NPFFR2: variants seen among roughly 807,000 people sequenced by gnomAD.
The protein encoded by NPFFR2 is G-protein coupled receptor 74.
Under a neutral mutation model 13.1 loss-of-function variants are expected in NPFFR2, and 15 were observed. That is an observed-to-expected ratio of 1.15 (90% CI 0.77 to 1.76). The LOEUF is 1.76. NPFFR2 is among the 40% of genes most tolerant of loss of function. The pLI is 0.00. For missense variants in NPFFR2, 572 were observed against 503.5 expected (o/e 1.14, Z -1.30); for synonymous variants, 190 against 175.7 (o/e 1.08, Z -0.65).
At chr4:72,129,998 C>G (rs1196832937) in intron 2 of NPFFR2, among the ~76,000 whole-genome samples, 1 of 138,378 alleles carries the variant, frequency 7.2e-6, no homozygotes, top group Non-Finnish European at 1.5e-5. Context: ...CATCCTGCAC[C>G]GCCCTTAATC....
intron 1 of NPFFR2, among the ~76,000 whole-genome samples, chr4:72,074,935 A>G (rs1228651779): frequency 2.7e-5 from 4 of 149,776 alleles, no homozygotes; most frequent in African/African-American, 9.8e-5. Context: ...AGGACATTAC[A>G]TATTAATAAA....
intron 3 of NPFFR2, among the ~76,000 whole-genome samples, chr4:72,140,047 G>T (rs1722553814): frequency 6.6e-6 from 1 of 152,066 alleles, no homozygotes; most frequent in African/African-American, 2.4e-5. Flanking sequence ...CTCATGATTT[G>T]GCTCTCTGTT....
At chr4:72,145,535 C>T (rs185034136) in intron 3 of NPFFR2, among the ~76,000 whole-genome samples, 103 of 152,052 alleles carry the variant, frequency 6.8e-4, no homozygotes, top group African/African-American at 2.1e-3. Context: ...AAAATACATA[C>T]GTTTGTGTCT....
chr4:72,071,436 G>A (rs1164739657), intron 1 of NPFFR2, among the ~76,000 whole-genome samples: 1 of 152,152 alleles, frequency 6.6e-6, no homozygotes, highest in Non-Finnish European at 1.5e-5. Flanking sequence ...TTGGAAGATG[G>A]TGCAGCATAA....
chr4:72,066,830 A>G (rs1327109861), intron 1 of NPFFR2, among the ~76,000 whole-genome samples: 1 of 152,118 alleles, frequency 6.6e-6, no homozygotes. Context: ...GGCTTTACTG[A>G]GTGTACCCCA....
chr4:72,042,302 G>A (rs142776986), intron 1 of NPFFR2, among the ~76,000 whole-genome samples: 149 of 152,324 alleles, frequency 9.8e-4, no homozygotes, highest in African/African-American at 3.4e-3. Flanking sequence ...CTGCAGAACT[G>A]TGAGTCAATT....
intron 1 of NPFFR2, among the ~76,000 whole-genome samples, chr4:72,059,305 A>G (rs1719853374): frequency 6.6e-6 from 1 of 152,062 alleles, no homozygotes; most frequent in African/African-American, 2.4e-5. Flanking sequence ...GCGCTGAGAG[A>G]AAATGTATAC....
intron 1 of NPFFR2, among the ~76,000 whole-genome samples, chr4:72,078,848 A>G (rs957586413): frequency 6.6e-6 from 1 of 152,122 alleles, no homozygotes; most frequent in Non-Finnish European, 1.5e-5. Flanking sequence ...TTTCCATAAT[A>G]TATTATTCCA....
At chr4:72,133,944 A>C (rs960496550) in intron 2 of NPFFR2, among the ~76,000 whole-genome samples, 2 of 85,906 alleles carry the variant, frequency 2.3e-5, no homozygotes, top group African/African-American at 3.3e-5. Flanking sequence ...AAATTACATT[A>C]ATTAGTTTAA....
intron 1 of NPFFR2, among the ~76,000 whole-genome samples, chr4:72,037,022 T>C (rs1234255641): frequency 1.3e-5 from 2 of 152,138 alleles, no homozygotes; most frequent in Non-Finnish European, 2.9e-5. Flanking sequence ...AAAGAGGTGA[T>C]ACTTGCAGCG....
At chr4:72,049,817 C>A (rs928606213) in intron 1 of NPFFR2, among the ~76,000 whole-genome samples, 1 of 151,956 alleles carries the variant, frequency 6.6e-6, no homozygotes, top group Non-Finnish European at 1.5e-5. Flanking sequence ...TATAGGAGCA[C>A]CTTTTATTAT....
intron 2 of NPFFR2, among the ~76,000 whole-genome samples, chr4:72,134,665 G>A (rs1350370182): frequency 1.3e-5 from 2 of 151,854 alleles, no homozygotes; most frequent in South Asian, 2.1e-4. Flanking sequence ...GCTTAGTTTG[G>A]GTGTGTACTC....
chr4:72,051,552 A>G (rs1236760087), intron 1 of NPFFR2, among the ~76,000 whole-genome samples: 1 of 150,794 alleles, frequency 6.6e-6, no homozygotes, highest in African/African-American at 2.4e-5. Context: ...GGGAAGATCC[A>G]AAATTGACAC....
intron 1 of NPFFR2, among the ~76,000 whole-genome samples, chr4:72,106,673 A>G (rs551994168): frequency 6.6e-6 from 1 of 152,090 alleles, no homozygotes; most frequent in South Asian, 2.1e-4. Context: ...TGAGGATGGG[A>G]GCTGAGAATG....
intron 1 of NPFFR2, among the ~76,000 whole-genome samples, chr4:72,073,932 A>G (rs905114967): frequency 3.3e-5 from 5 of 152,050 alleles, no homozygotes; most frequent in African/African-American, 9.7e-5. Context: ...AAAATTAGCT[A>G]AACAGAAAAA....
At chr4:72,108,378 T>G (rs1440929449) in intron 1 of NPFFR2, among the ~76,000 whole-genome samples, 3 of 152,004 alleles carry the variant, frequency 2.0e-5, no homozygotes, top group Non-Finnish European at 2.9e-5. Context: ...TCATCAGTCT[T>G]CTTTTCATTT....
At chr4:72,035,761 G>A (rs951908832) in intron 1 of NPFFR2, among the ~76,000 whole-genome samples, 3 of 152,174 alleles carry the variant, frequency 2.0e-5, no homozygotes, top group South Asian at 2.1e-4. Flanking sequence ...TCTTTCAGCT[G>A]TATTTCCATT....
rs150736419 is a variant in NPFFR2 at position 72,075,832 on chromosome 4, T to C, written c.-8+43632T>C. 7.3e-3 allele frequency among the ~76,000 whole-genome samples: 1,103 copies of C among 152,066 alleles called. 13 individuals are homozygous for C. The highest frequency in any genetic ancestry group is 0.025 in the African/African-American group (1,031 of 41,458). On this transcript the variant is annotated intron_variant, in intron 1 of 3. Transcript: ENST00000308744. ...TTTCAGCTTTGCAAAACAAAAATAG[T>C]TTTAGAGATGAATGGTGGTGATGGT... is the stretch of plus-strand genomic sequence containing the variant.
intron 1 of NPFFR2, among the ~76,000 whole-genome samples, chr4:72,076,007 AGAGAGAGAGAGAGG>A (rs1283657828): frequency 0.14 from 975 of 7,002 alleles, 25 homozygotes; most frequent in South Asian, 0.25. Context: ...ACACACACAC[AGAGAGAGAGAGAGG>A]GCAGACAGCA....
Sources: gnomAD v4.1 joint callset for allele counts (sites outside exome capture counted in the v4.1 genomes callset) on GRCh38, gnomAD v4.1.1 for gene constraint, MANE v1.5 for transcripts, NCBI Gene and HGNC (gene_info 2026-07-23, HGNC 2026-07-21) for gene names.